Variants in RALYL observed in about 807,000 individuals in gnomAD.
RALYL encodes RALY RNA binding protein like.
A neutral mutation model predicts 35.1 loss-of-function variants in RALYL; 29 were observed. That is an observed-to-expected ratio of 0.83 (90% confidence interval 0.61 to 1.13). The LOEUF is 1.13. RALYL is among the 50% of genes most tolerant of loss of function. The pLI, the probability that RALYL is intolerant of heterozygous loss-of-function variation, is 0.00. For missense variants in RALYL, 359 were observed against 360.4 expected (o/e 1.00, Z 0.03); for synonymous variants, 120 against 127.6 (o/e 0.94, Z 0.40).
chr8:84,698,073 G>T (rs552641707), intron 2 of RALYL, among the ~76,000 whole-genome samples: 18 of 152,180 alleles, frequency 1.2e-4, no homozygotes, highest in African/African-American at 3.4e-4. Context: ...ATGAGATAGT[G>T]GTATCATGAA....
intron 1 of RALYL, among the ~76,000 whole-genome samples, chr8:84,397,192 A>G (rs1039080093): frequency 6.6e-6 from 1 of 152,156 alleles, no homozygotes; most frequent in Non-Finnish European, 1.5e-5. Flanking sequence ...GGATCTGGAA[A>G]AGGCCAGGAA....
At chr8:84,377,522 T>C (rs1857185105) in intron 1 of RALYL, among the ~76,000 whole-genome samples, 1 of 147,438 alleles carries the variant, frequency 6.8e-6, no homozygotes, top group Non-Finnish European at 1.5e-5. Flanking sequence ...TGATACCACT[T>C]TCATAGCCTG....
intron 1 of RALYL, among the ~76,000 whole-genome samples, chr8:84,252,544 T>C (rs1373402644): frequency 6.6e-6 from 1 of 152,154 alleles, no homozygotes; most frequent in Admixed American, 6.5e-5. Context: ...CATATTCAAC[T>C]ATGTATTTTT....
intron 2 of RALYL, among the ~76,000 whole-genome samples, chr8:84,573,057 C>T (rs1808411023): frequency 6.6e-6 from 1 of 151,344 alleles, no homozygotes; most frequent in South Asian, 2.1e-4. Flanking sequence ...CAGTGTACTT[C>T]CATAACCTTT....
chr8:84,781,929 G>A (rs965977391), intron 3 of RALYL, among the ~76,000 whole-genome samples: 5 of 152,104 alleles, frequency 3.3e-5, no homozygotes, highest in African/African-American at 4.8e-5. Flanking sequence ...GTTTTCTGAT[G>A]TAAACTTATT....
At chr8:84,886,344 C>G (rs1332208541) in intron 7 of RALYL, among the ~76,000 whole-genome samples, 1 of 152,040 alleles carries the variant, frequency 6.6e-6, no homozygotes, top group South Asian at 2.1e-4. Flanking sequence ...AAGTTTGGTG[C>G]TGAGACAAAA....
chr8:84,189,446 C>T (rs532573130), intron 1 of RALYL, among the ~76,000 whole-genome samples: 4 of 152,154 alleles, frequency 2.6e-5, no homozygotes, highest in Admixed American at 6.5e-5. Flanking sequence ...TGAGTCATTT[C>T]GGAAATTATT....
intron 1 of RALYL, among the ~76,000 whole-genome samples, chr8:84,427,967 A>C (rs192136160): frequency 6.6e-6 from 1 of 152,162 alleles, no homozygotes; most frequent in South Asian, 2.1e-4. Flanking sequence ...CAATGAATCT[A>C]TCTTCAAATC....
At chr8:84,318,946 A>C (rs1844295684) in intron 1 of RALYL, among the ~76,000 whole-genome samples, 1 of 152,238 alleles carries the variant, frequency 6.6e-6, no homozygotes, top group Non-Finnish European at 1.5e-5. Flanking sequence ...ATGGCCTGCC[A>C]ACACATGCTG....
At chr8:84,900,394 C>T (rs190549732) in intron 8 of RALYL, among the ~76,000 whole-genome samples, 35 of 152,084 alleles carry the variant, frequency 2.3e-4, no homozygotes, top group African/African-American at 6.7e-4. Flanking sequence ...AGACCTCTCC[C>T]GGCTGGGTGC....
At chr8:84,446,677 G>A (rs1256580718) in intron 1 of RALYL, among the ~76,000 whole-genome samples, 2 of 152,004 alleles carry the variant, frequency 1.3e-5, no homozygotes, top group Admixed American at 1.3e-4. Context: ...ATATGTCTGT[G>A]GGGTGATGGA....
At chr8:84,734,677 C>G (rs1484554923) in intron 2 of RALYL, among the ~76,000 whole-genome samples, 2 of 152,046 alleles carry the variant, frequency 1.3e-5, no homozygotes, top group Non-Finnish European at 2.9e-5. Context: ...TTCTGAGTCC[C>G]TGCATCTTGG....
intron 8 of RALYL, 57 bp from the exon 9 acceptor site, chr8:84,920,837 G>C: frequency 1.3e-6 from 1 of 743,962 alleles, no homozygotes; most frequent in East Asian, 3.0e-5. Flanking sequence ...GTATACGCAT[G>C]CTATCAACAA....
chr8:84,570,910 C>T (rs1807814422), intron 2 of RALYL, among the ~76,000 whole-genome samples: 1 of 151,776 alleles, frequency 6.6e-6, no homozygotes, highest in Admixed American at 6.6e-5. Context: ...TTGAACTATC[C>T]TTGCATGCAT....
intron 1 of RALYL, among the ~76,000 whole-genome samples, chr8:84,377,084 T>C (rs1019488593): frequency 6.6e-6 from 1 of 151,878 alleles, no homozygotes; most frequent in Non-Finnish European, 1.5e-5. Context: ...ACTGATAGAC[T>C]AAACAGATAT....
intron 2 of RALYL, among the ~76,000 whole-genome samples, chr8:84,550,361 A>C (rs923937898): frequency 1.3e-5 from 2 of 152,122 alleles, no homozygotes; most frequent in Admixed American, 1.3e-4. Context: ...AATTAACAGT[A>C]AAGATATTTT....
At chr8:84,748,537 A>G (rs1253705208) in intron 2 of RALYL, among the ~76,000 whole-genome samples, 1 of 152,084 alleles carries the variant, frequency 6.6e-6, no homozygotes, top group Non-Finnish European at 1.5e-5. Flanking sequence ...AAAGGAAGCT[A>G]TATATTGTCT....
chr8:84,305,891 G>A (rs1329498787), intron 1 of RALYL, among the ~76,000 whole-genome samples: 1 of 152,136 alleles, frequency 6.6e-6, no homozygotes, highest in Non-Finnish European at 1.5e-5. Context: ...CAAAGAGTAT[G>A]TAATTCCAGT....
intron 8 of RALYL, among the ~76,000 whole-genome samples, chr8:84,890,117 G>C (rs547613568): frequency 6.6e-6 from 1 of 152,296 alleles, no homozygotes; most frequent in East Asian, 1.9e-4. Context: ...ATCCCAAAGA[G>C]TGTGAATGTT....
Sources: gnomAD v4.1 joint callset for allele counts (sites outside exome capture counted in the v4.1 genomes callset) on GRCh38, gnomAD v4.1.1 for gene constraint, MANE v1.5 for transcripts, NCBI Gene and HGNC (gene_info 2026-07-23, HGNC 2026-07-21) for gene names.